NEUROD2: variants seen among roughly 807,000 people sequenced by gnomAD.
The protein encoded by NEUROD2 is neurogenic differentiation factor 2.
NEUROD2 carries 5 observed loss-of-function variants against 9.3 expected under a neutral mutation model. The observed-to-expected ratio is 0.54, with a 90% CI of 0.28 to 1.13. The LOEUF (loss-of-function observed/expected upper bound fraction) is 1.13. Among genes scored for constraint, NEUROD2 ranks in the 50% most tolerant of loss-of-function variants. The pLI, the probability that NEUROD2 is intolerant of heterozygous loss-of-function variation, is 0.10. For synonymous variants in NEUROD2, 277 were observed against 257.3 expected (o/e 1.08, Z -0.73); for missense variants, 376 against 549.2 (o/e 0.68, Z 3.15).
In NEUROD2 at chr17:39,606,252, C is replaced by T. The variant is rs1357347140; in HGVS notation, c.348G>A (p.Leu116=). 2 of 1,610,652 alleles carry T rather than the reference C, an allele frequency of 1.2e-6. No homozygotes were observed. Among genetic ancestry groups the T allele is most frequent in the East Asian group, 2.2e-5 (1 of 44,800 alleles). The change falls in exon 2 of 2, where the codon TTG becomes TTA. Residue 116 remains leucine (L), a synonymous_variant. Coordinates refer to ENST00000302584, the MANE Select transcript of NEUROD2 (RefSeq NM_006160.4). The surrounding 1 kb of genome is among the most constrained non-coding windows in gnomAD (Gnocchi z 7.8). The part of the protein sequence containing the change: ...PKKRKMTKAR[L]ERSKLRRQKA... ...TCTGCCGCCGAAGCTTGGAGCGCTC[C>T]AAGCGCGCCTTGGTCATCTTGCGCT...
In NEUROD2 at chr17:39,605,798, G is replaced by C; in HGVS notation, c.802C>G (p.His268Asp). 1 of 1,384,318 alleles carries C rather than the reference G, an allele frequency of 7.2e-7. No individual in the cohort carries two copies. The highest frequency in any genetic ancestry group is 1.8e-5 in the South Asian group (1 of 56,676). 85.8% of individuals were successfully genotyped at this position (1,384,318 alleles called of 1,614,324 possible). The part of the protein sequence containing the change: ...GGGAAHALRT[H>D]GYCAAYETLY... Reference sequence around the variant, plus strand: ...GTCTCGTAGGCGGCGCAGTAGCCGTGGGTCCGCAGGGCGTGCGCCGCGCCG... The same window carrying C: ...GTCTCGTAGGCGGCGCAGTAGCCGTCGGTCCGCAGGGCGTGCGCCGCGCCG... Residue 268 changes from histidine (H) to aspartate (D), a missense_variant, in exon 2 of 2, where the codon CAC (histidine) becomes GAC (aspartate). This residue lies in a region of NEUROD2 where 193 missense variants were observed against 255.8 expected (regional missense o/e 0.75). Coordinates refer to ENST00000302584, the MANE Select transcript of NEUROD2 (RefSeq NM_006160.4). The surrounding 1 kb of genome is among the most constrained non-coding windows in gnomAD (Gnocchi z 6.8).
chr17:39,607,491 C>T, intron 1 of NEUROD2: 1 of 511,924 alleles, frequency 2.0e-6, no homozygotes, highest in Non-Finnish European at 2.5e-6. Context: ...TCGCATATCC[C>T]CCTCCGTGAT....
rs1388294021 is a variant in NEUROD2 at position 39,606,792 on chromosome 17, G to C, written c.-5-188C>G. 50 of 575,010 alleles carry C rather than the reference G, an allele frequency of 8.7e-5. No homozygotes were observed. In the East Asian group the frequency reaches 1.7e-3, roughly 20 times the overall value. The allele number at this position is 575,010 out of a possible 1,614,324, so 35.6% of individuals were successfully genotyped here. A position where few individuals can be genotyped will look rare whatever the true frequency, so the allele number is the denominator to read the frequency against. ...GCCGGCCCAGCCCTACCCGGCTGCC[G>C]GCCTGGGATCTCGGCCCAGGCCCTC... On this transcript the variant is annotated intron_variant, in intron 1 of 1. Coordinates refer to ENST00000302584, the MANE Select transcript of NEUROD2 (RefSeq NM_006160.4). The surrounding 1 kb of genome is among the most constrained non-coding windows in gnomAD (Gnocchi z 7.8).
chr17:39,607,633 A>T (rs1333618950), intron 1 of NEUROD2, 95 bp downstream of exon 1: 9 of 984,872 alleles, frequency 9.1e-6, no homozygotes, highest in Non-Finnish European at 1.2e-6. Flanking sequence ...GCATCATCCC[A>T]GGAAGGAGGT....
Position 39,606,934 on chromosome 17 carries a change from T to G in NEUROD2, c.-5-330A>C. 79 of 200,326 alleles carry G rather than the reference T, an allele frequency of 3.9e-4. No homozygotes were observed. Among genetic ancestry groups the G allele is most frequent in the East Asian group, 1.4e-3 (13 of 9,128 alleles). The allele number at this position is 200,326 out of a possible 1,614,324, so 12.4% of individuals were successfully genotyped here. On this transcript the variant is annotated intron_variant, in intron 1 of 1. Coordinates refer to ENST00000302584, the MANE Select transcript of NEUROD2 (RefSeq NM_006160.4). The surrounding 1 kb of genome is among the most constrained non-coding windows in gnomAD (Gnocchi z 7.8). ...TGGGGGTTTTAGGGACCAGATATCT[T>G]TGCCAGGGGAGGCGGCGCGCTCGCC...
At position 39,606,521 on chromosome 17, in the gene NEUROD2, C is replaced by T. The variant is rs182058100; in HGVS notation, c.79G>A (p.Asp27Asn). The change falls in exon 2 of 2, where the codon GAC becomes AAC. Residue 27 changes from aspartate (D) to asparagine (N), a missense_variant. By Grantham distance (23) the Asp-to-Asn change is conservative (BLOSUM62 1). Around this residue, in one of 3 missense-constraint regions of NEUROD2, gnomAD observed 134 missense variants for 133.6 expected, o/e 1.00. Coordinates refer to ENST00000302584, the MANE Select transcript of NEUROD2 (RefSeq NM_006160.4). This position sits in a 1 kb window ranked among gnomAD's most constrained non-coding sequence, Gnocchi z 7.8. ...KFASWGDGED[D>N]EPRSDKGDAP... is the part of the protein sequence containing the mutation. Reference sequence around the variant, plus strand: ...TCGCCCTTGTCGCTCCTCGGCTCGTCGTCTTCGCCGTCGCCCCAGCTGGCG... The same window carrying T: ...TCGCCCTTGTCGCTCCTCGGCTCGTTGTCTTCGCCGTCGCCCCAGCTGGCG... The T allele has an allele frequency of 5.1e-6, 8 of 1,567,712 alleles. No individual in the cohort carries two copies. The highest frequency in any genetic ancestry group is 6.9e-6 in the Non-Finnish European group (8 of 1,166,162).
Position 39,606,456 on chromosome 17 carries a change from A to G in NEUROD2, c.144T>C (p.Ala48=), listed in dbSNP as rs1472994504. The change falls in exon 2 of 2, where the codon GCT becomes GCC. Residue 48 remains alanine, a synonymous_variant. Coordinates refer to ENST00000302584, the MANE Select transcript of NEUROD2 (RefSeq NM_006160.4). The surrounding 1 kb of genome is among the most constrained non-coding windows in gnomAD (Gnocchi z 7.8). ...GCTTGGCCGCCCGGGCTGGCCCCGG[A>G]GCCCCTGGCCCGGGCGCAGGCGGTG... is the stretch of plus-strand genomic sequence containing the variant. ...PPPPPAPGPG[A]PGPARAAKPV... 2.6e-6 allele frequency: 4 copies of G among 1,525,544 alleles called. No homozygotes were observed. Among genetic ancestry groups the G allele is most frequent in the East Asian group, 2.5e-5 (1 of 40,634 alleles). 94.5% of individuals were successfully genotyped at this position (1,525,544 alleles called of 1,614,324 possible).
At chr17:39,607,462 G>T in intron 1 of NEUROD2, 2 of 281,076 alleles carry the variant, frequency 7.1e-6, no homozygotes, top group Non-Finnish European at 1.1e-5. Context: ...CCATGGAGGG[G>T]TCCTCCGTCT....
At position 39,606,528 on chromosome 17, in the gene NEUROD2, G is replaced by A. The variant is rs752144018; in HGVS notation, c.72C>T (p.Gly24=). 1 of 1,571,874 alleles carries A rather than the reference G, an allele frequency of 6.4e-7. No homozygotes were observed. The highest frequency in any genetic ancestry group is 8.6e-7 in the Non-Finnish European group (1 of 1,168,592). ...DVPKFASWGD[G]EDDEPRSDKG... is the part of the protein sequence containing the mutation. ...TGTCGCTCCTCGGCTCGTCGTCTTCGCCGTCGCCCCAGCTGGCGAACTTGG... is the reference window on the plus strand; with the variant it reads ...TGTCGCTCCTCGGCTCGTCGTCTTCACCGTCGCCCCAGCTGGCGAACTTGG... The change falls in exon 2 of 2, where the codon GGC becomes GGT. Residue 24 remains glycine, a synonymous_variant. Coordinates refer to ENST00000302584, the MANE Select transcript of NEUROD2 (RefSeq NM_006160.4). The surrounding 1 kb of genome is among the most constrained non-coding windows in gnomAD (Gnocchi z 7.8).
In NEUROD2 at chr17:39,603,807, G is replaced by C. The variant is rs1483531493; in HGVS notation, c.*1644C>G. The C allele has an allele frequency of 6.6e-6, 1 of 152,632 alleles. No homozygotes were observed. The highest frequency in any genetic ancestry group is 1.5e-5 in the Non-Finnish European group (1 of 68,026). The allele number at this position is 152,632 out of a possible 1,614,324, so 9.5% of individuals were successfully genotyped here. A position where few individuals can be genotyped will look rare whatever the true frequency, so the allele number is the denominator to read the frequency against. ...TCATTTACATAAATATTTATTAATC[G>C]TCATTAAACTGAACAGAAACACGCA... On this transcript the variant is annotated 3_prime_UTR_variant, in exon 2 of 2. Transcript: ENST00000302584.
chr17:39,605,434 G>T lies in NEUROD2; in HGVS notation c.*17C>A. On this transcript the variant is annotated 3_prime_UTR_variant, in exon 2 of 2. Coordinates refer to ENST00000302584, the MANE Select transcript of NEUROD2 (RefSeq NM_006160.4). This position sits in a 1 kb window ranked among gnomAD's most constrained non-coding sequence, Gnocchi z 6.8. ...CGGGCAAAGGCAAAAGAAAAAGAAG[G>T]GAGCCGGCGCGAAGTCTCAGTTATG... 6.5e-7 allele frequency: 1 copy of T among 1,543,070 alleles called. No homozygotes were observed. The highest frequency in any genetic ancestry group is 8.8e-7 in the Non-Finnish European group (1 of 1,139,708).
In NEUROD2 at chr17:39,604,690, C is replaced by G. The variant is rs2056759118; in HGVS notation, c.*761G>C. The G allele has an allele frequency of 7.6e-6, 1 of 132,096 alleles. No homozygotes were observed. The highest frequency in any genetic ancestry group is 8.6e-5 in the Admixed American group (1 of 11,630). The allele number at this position is 132,096 out of a possible 1,614,324, so 8.2% of individuals were successfully genotyped here. A position where few individuals can be genotyped will look rare whatever the true frequency, so the allele number is the denominator to read the frequency against. ...TTGTTTTTTTTGCCTTTTATTGCTTCTAAAAGTCCTTACTGCGTTTTCTCT... is the reference window on the plus strand; with the variant it reads ...TTGTTTTTTTTGCCTTTTATTGCTTGTAAAAGTCCTTACTGCGTTTTCTCT... On this transcript the variant is annotated 3_prime_UTR_variant, in exon 2 of 2. Coordinates refer to ENST00000302584, the MANE Select transcript of NEUROD2 (RefSeq NM_006160.4).
chr17:39,606,474 AGGCGGT>A lies in NEUROD2; in HGVS notation c.120_125del (p.Pro41_Pro42del), dbSNP rs758585982. ...GCCCCGGAGCCCCTGGCCCGGGCGC[AGGCGGT>A]GGCGGTGGCGGCGCGTCGCCCTTGT... On this transcript the variant is annotated inframe_deletion, in exon 2 of 2. Transcript: ENST00000302584. This position sits in a 1 kb window ranked among gnomAD's most constrained non-coding sequence, Gnocchi z 7.8. The A allele has an allele frequency of 1.3e-6, 2 of 1,535,440 alleles. No homozygotes were observed. The highest frequency in any genetic ancestry group is 4.9e-5 in the East Asian group (2 of 40,898).
Position 39,606,831 on chromosome 17 carries a change from GC to G in NEUROD2, c.-5-228del. On this transcript the variant is annotated intron_variant, in intron 1 of 1. Transcript: ENST00000302584. The surrounding 1 kb of genome is among the most constrained non-coding windows in gnomAD (Gnocchi z 7.8). ...GCCCAGGCCCTCTCCCCGGCGCTGG[GC>G]CCCGGCTCCGCCCCTCGCTTGAATG... The G allele has an allele frequency of 2.1e-6, 1 of 484,908 alleles. No homozygotes were observed. Among genetic ancestry groups the G allele is most frequent in the East Asian group, 3.6e-5 (1 of 27,880 alleles). 30.0% of individuals were successfully genotyped at this position (484,908 alleles called of 1,614,324 possible).
chr17:39,606,619 C>T lies in NEUROD2; in HGVS notation c.-5-15G>A, dbSNP rs1352250483. ...CAGCATGGTGCCTGAGGGCGCCCCG[C>T]GGGCGGGAAGGGGAGACAGACAGCA... On this transcript the variant is annotated splice_polypyrimidine_tract_variant and intron_variant, in intron 1 of 1. Transcript: ENST00000302584. The surrounding 1 kb of genome is among the most constrained non-coding windows in gnomAD (Gnocchi z 7.8). 7 of 1,531,908 alleles carry T rather than the reference C, an allele frequency of 4.6e-6. No individual in the cohort carries two copies. Among genetic ancestry groups the T allele is most frequent in the East Asian group, 2.5e-5 (1 of 39,998 alleles). 94.9% of individuals were successfully genotyped at this position (1,531,908 alleles called of 1,614,324 possible).
rs2056763387 is a variant in NEUROD2, at chr17:39,605,415, A to C, written c.*36T>G. On this transcript the variant is annotated 3_prime_UTR_variant, in exon 2 of 2. Coordinates refer to ENST00000302584, the MANE Select transcript of NEUROD2 (RefSeq NM_006160.4). This position sits in a 1 kb window ranked among gnomAD's most constrained non-coding sequence, Gnocchi z 6.8. Reference sequence around the variant, plus strand: ...GGGGCTGGGGACAGGGGGGCGGGCAAAGGCAAAAGAAAAAGAAGGGAGCCG... The same window carrying C: ...GGGGCTGGGGACAGGGGGGCGGGCACAGGCAAAAGAAAAAGAAGGGAGCCG... The C allele has an allele frequency of 6.7e-7, 1 of 1,502,590 alleles. No homozygotes were observed. The highest frequency in any genetic ancestry group is 1.4e-5 in the African/African-American group (1 of 72,034). The allele number at this position is 1,502,590 out of a possible 1,614,324, so 93.1% of individuals were successfully genotyped here.
chr17:39,605,412 G>A lies in NEUROD2; in HGVS notation c.*39C>T. The A allele has an allele frequency of 1.3e-6, 2 of 1,496,500 alleles. No individual in the cohort carries two copies. Among genetic ancestry groups the A allele is most frequent in the Non-Finnish European group, 1.8e-6 (2 of 1,116,240 alleles). 92.7% of individuals were successfully genotyped at this position (1,496,500 alleles called of 1,614,324 possible). Reference sequence around the variant, plus strand: ...CTGGGGGCTGGGGACAGGGGGGCGGGCAAAGGCAAAAGAAAAAGAAGGGAG... The same window carrying A: ...CTGGGGGCTGGGGACAGGGGGGCGGACAAAGGCAAAAGAAAAAGAAGGGAG... On this transcript the variant is annotated 3_prime_UTR_variant, in exon 2 of 2. Coordinates refer to ENST00000302584, the MANE Select transcript of NEUROD2 (RefSeq NM_006160.4). This position sits in a 1 kb window ranked among gnomAD's most constrained non-coding sequence, Gnocchi z 6.8.
At position 39,605,610 on chromosome 17, in the gene NEUROD2, C is replaced by T; in HGVS notation, c.990G>A (p.Ser330=). The T allele has an allele frequency of 1.2e-6, 2 of 1,613,594 alleles. No homozygotes were observed. The highest frequency in any genetic ancestry group is 1.1e-5 in the South Asian group (1 of 91,042). Residue 330 remains serine (S), a synonymous_variant, in exon 2 of 2, where the codon TCG becomes TCA. Coordinates refer to ENST00000302584, the MANE Select transcript of NEUROD2 (RefSeq NM_006160.4). The surrounding 1 kb of genome is among the most constrained non-coding windows in gnomAD (Gnocchi z 6.8). ...CCGTGGGCCGCGAACCGGGCAGCGC[C>T]GAGTAGTGCATAGAGTAGTGGTAGC... ...EKSYHYSMHY[S]ALPGSRPTGH...
chr17:39,605,072 T>G lies in NEUROD2; in HGVS notation c.*379A>C. 5.8e-6 allele frequency: 1 copy of G among 171,248 alleles called. No homozygotes were observed. 10.6% of individuals were successfully genotyped at this position (171,248 alleles called of 1,614,324 possible). On this transcript the variant is annotated 3_prime_UTR_variant, in exon 2 of 2. Coordinates refer to ENST00000302584, the MANE Select transcript of NEUROD2 (RefSeq NM_006160.4). The surrounding 1 kb of genome is among the most constrained non-coding windows in gnomAD (Gnocchi z 6.8). ...TAATGAGAGGGGGAAACGCGTTCCA[T>G]TGCTCAGCTGCCCCCTTACCAACGC...
Sources: allele counts gnomAD v4.1 joint callset, GRCh38; gene constraint gnomAD v4.1.1; regional missense constraint gnomAD v4.1.1; non-coding constraint Gnocchi (gnomAD v3.1); transcripts MANE v1.5; gene names NCBI Gene and HGNC (gene_info 2026-07-23, HGNC 2026-07-21).